PCDHGA7: variants seen among roughly 807,000 people sequenced by gnomAD.
PCDHGA7 encodes protocadherin gamma subfamily A, 7, also known as protocadherin gamma-A7.
In PCDHGA7, 44 loss-of-function variants were observed where a neutral mutation model predicts 58.3. The observed-to-expected ratio is 0.75, with a 90% CI of 0.59 to 0.97. The LOEUF (loss-of-function observed/expected upper bound fraction) is 0.97. Among genes scored for constraint, PCDHGA7 ranks in the 50% least tolerant of loss-of-function variants. The pLI, the probability that PCDHGA7 is intolerant of heterozygous loss-of-function variation, is 0.00. For synonymous variants in PCDHGA7, 516 were observed against 504.2 expected (o/e 1.02, Z -0.31); for missense variants, 1,266 against 1,188.7 (o/e 1.06, Z -0.96).
chr5:141,444,194 G>A (rs1209269773), intron 1 of PCDHGA7, among the ~76,000 whole-genome samples: 1 of 67,352 alleles, frequency 1.5e-5, no homozygotes, highest in Non-Finnish European at 2.7e-5. Flanking sequence ...TTTTTGAGAT[G>A]GAGTTTCACT....
chr5:141,417,939 C>T, intron 1 of PCDHGA7: 1 of 1,612,862 alleles, frequency 6.2e-7, no homozygotes, highest in Non-Finnish European at 8.5e-7. Context: ...TTGTTCTACC[C>T]CACGCTGTGT....
At chr5:141,399,854 G>A (rs747617678) in intron 1 of PCDHGA7, 6 of 1,612,786 alleles carry the variant, frequency 3.7e-6, no homozygotes, top group Non-Finnish European at 5.1e-6. Context: ...ATGGTGCCGC[G>A]CGCTGCAGAG....
At chr5:141,433,056 G>A (rs1422450948) in intron 1 of PCDHGA7, 1 of 1,614,204 alleles carries the variant, frequency 6.2e-7, no homozygotes, top group South Asian at 1.1e-5. Context: ...TCGCGGAAGA[G>A]TCACCTGATC....
Position 141,383,199 on chromosome 5 carries a change from G to T in PCDHGA7, c.300G>T (p.Ala100=), listed in dbSNP as rs574670513. ...GGGAAGAGATCTGCGCTCAGAGTGC[G>T]CGGTGTCTGGTAAACTTTAACATCC... ...IDREEICAQS[A]RCLVNFNILM... is the part of the protein sequence containing the mutation. Residue 100 remains alanine (A), a synonymous_variant, in exon 1 of 4, where the codon GCG becomes GCT. Coordinates refer to ENST00000518325, the MANE Select transcript of PCDHGA7 (RefSeq NM_018920.4). 6.2e-7 allele frequency: 1 copy of T among 1,614,040 alleles called. No individual in the cohort carries two copies. Among genetic ancestry groups the T allele is most frequent in the South Asian group, 1.1e-5 (1 of 91,090 alleles).
At chr5:141,393,079 GGATA>G (rs1414303760) in intron 1 of PCDHGA7, 2 of 1,613,582 alleles carry the variant, frequency 1.2e-6, no homozygotes, top group Non-Finnish European at 1.7e-6. Context: ...ACCGCGGGCA[GGATA>G]GATCGGGAGG....
At position 141,432,412 on chromosome 5, in the gene PCDHGA7, C is replaced by G. The variant is rs773688197; in HGVS notation, c.2424+47089C>G. 1.9e-6 allele frequency: 3 copies of G among 1,614,246 alleles called. No individual in the cohort carries two copies. The highest frequency in any genetic ancestry group is 2.2e-5 in the East Asian group (1 of 44,882). ...GCAGCAACGTGTCGTTGAGCCTGTT[C>G]GTGCTGGACCAGAACGACAATGCGC... On this transcript the variant is annotated intron_variant, in intron 1 of 3. Transcript: ENST00000518325. This position sits in a 1 kb window ranked among gnomAD's most constrained non-coding sequence, Gnocchi z 6.0.
At position 141,399,943 on chromosome 5, in the gene PCDHGA7, C is replaced by A. The variant is rs1334013330; in HGVS notation, c.2424+14620C>A. On this transcript the variant is annotated intron_variant, in intron 1 of 3. Coordinates refer to ENST00000518325, the MANE Select transcript of PCDHGA7 (RefSeq NM_018920.4). Reference sequence around the variant, plus strand: ...CGCCTGGCTGTCCTACCACGTGCTGCAGGCTAGCGAGCCCGGGCTCTTCAG... The same window carrying A: ...CGCCTGGCTGTCCTACCACGTGCTGAAGGCTAGCGAGCCCGGGCTCTTCAG... The A allele has an allele frequency of 3.7e-6, 6 of 1,612,294 alleles. 1 individual carries two copies. The Admixed American group carries it at 1.0e-4, about 27-fold the overall frequency.
chr5:141,456,327 G>C (rs917430790), intron 1 of PCDHGA7, among the ~76,000 whole-genome samples: 1 of 152,186 alleles, frequency 6.6e-6, no homozygotes, highest in African/African-American at 2.4e-5. Flanking sequence ...TCCTGGGGTT[G>C]ATCTAAGGGT....
At chr5:141,405,372 T>C in intron 1 of PCDHGA7, 1 of 1,601,630 alleles carries the variant, frequency 6.2e-7, no homozygotes, top group East Asian at 2.2e-5. Flanking sequence ...ACCCCTTTGG[T>C]TCCGGTGAGT....
chr5:141,494,818 C>T lies in PCDHGA7; in HGVS notation c.2436C>T (p.Pro812=). The part of the protein sequence containing the change: ...ENLPSIQQAP[P]NTDWRFSQAQ... ...TGTTTTCTCCACAGCAAGCCCCGCCCAACACGGACTGGCGTTTCTCTCAGG... is the reference window on the plus strand; with the variant it reads ...TGTTTTCTCCACAGCAAGCCCCGCCTAACACGGACTGGCGTTTCTCTCAGG... Residue 812 remains proline (P), a synonymous_variant, in exon 2 of 4, where the codon CCC becomes CCT. Transcript: ENST00000518325. 1.9e-6 allele frequency: 3 copies of T among 1,614,152 alleles called. No homozygotes were observed. The highest frequency in any genetic ancestry group is 2.2e-5 in the South Asian group (2 of 91,074).
intron 1 of PCDHGA7, among the ~76,000 whole-genome samples, chr5:141,456,124 C>G (rs2098844023): frequency 6.6e-6 from 1 of 152,072 alleles, no homozygotes. Context: ...GTCTCCATCT[C>G]CTGACCTCCT....
In PCDHGA7 at chr5:141,476,776, G is replaced by A. The variant is rs764674164; in HGVS notation, c.2425-18031G>A. 9.3e-6 allele frequency: 15 copies of A among 1,612,744 alleles called. No homozygotes were observed. The highest frequency in any genetic ancestry group is 1.3e-5 in the Non-Finnish European group (15 of 1,179,218). On this transcript the variant is annotated intron_variant, in intron 1 of 3. Coordinates refer to ENST00000518325, the MANE Select transcript of PCDHGA7 (RefSeq NM_018920.4). This position sits in a 1 kb window ranked among gnomAD's most constrained non-coding sequence, Gnocchi z 7.6. ...TAGTGCTGACGGCGTTGGACGGAGG[G>A]ACCCCAGCTCTCTCCGCCAGCCTGC...
In PCDHGA7 at chr5:141,476,651, T is replaced by C. The variant is rs1355056895; in HGVS notation, c.2425-18156T>C. On this transcript the variant is annotated intron_variant, in intron 1 of 3. Coordinates refer to ENST00000518325, the MANE Select transcript of PCDHGA7 (RefSeq NM_018920.4). This position sits in a 1 kb window ranked among gnomAD's most constrained non-coding sequence, Gnocchi z 7.6. ...AACCTATGAGCTGAGCCGAAATGAA[T>C]ACTTTGCGCTTCGCGTGCAGACGCG... is the stretch of plus-strand genomic sequence containing the variant. The C allele has an allele frequency of 3.7e-6, 6 of 1,614,118 alleles. No individual in the cohort carries two copies. Among genetic ancestry groups the C allele is most frequent in the Non-Finnish European group, 5.1e-6 (6 of 1,180,050 alleles).
Position 141,489,941 on chromosome 5 carries a change from A to G in PCDHGA7, c.2425-4866A>G. Reference sequence around the variant, plus strand: ...ACCCTTATCTCTGTCATCGTGCTGGACATCAATGATAATGCTCCAACCTTC... The same window carrying G: ...ACCCTTATCTCTGTCATCGTGCTGGGCATCAATGATAATGCTCCAACCTTC... On this transcript the variant is annotated intron_variant, in intron 1 of 3. Transcript: ENST00000518325. The surrounding 1 kb of genome is among the most constrained non-coding windows in gnomAD (Gnocchi z 4.5). 1.2e-6 allele frequency: 2 copies of G among 1,614,228 alleles called. No homozygotes were observed. The highest frequency in any genetic ancestry group is 1.7e-6 in the Non-Finnish European group (2 of 1,180,034).
chr5:141,495,465 G>A (rs563411010), intron 2 of PCDHGA7, among the ~76,000 whole-genome samples: 3 of 152,182 alleles, frequency 2.0e-5, no homozygotes, highest in Non-Finnish European at 2.9e-5. Context: ...TGTCTGTGGG[G>A]TCTCCGTGTC....
Position 141,485,448 on chromosome 5 carries a change from G to A in PCDHGA7, c.2425-9359G>A. On this transcript the variant is annotated intron_variant, in intron 1 of 3. Coordinates refer to ENST00000518325, the MANE Select transcript of PCDHGA7 (RefSeq NM_018920.4). This position sits in a 1 kb window ranked among gnomAD's most constrained non-coding sequence, Gnocchi z 5.7. ...CTGCTCATCAAGAACCCAATCGACC[G>A]AGAGGCACTGTGTGGGCTCAGTGCC... is the stretch of plus-strand genomic sequence containing the variant. 1 of 1,614,154 alleles carries A rather than the reference G, an allele frequency of 6.2e-7. No homozygotes were observed.
In PCDHGA7 at chr5:141,382,895, CG is replaced by C. The variant is rs746416348; in HGVS notation, c.-4del. 5.9e-6 allele frequency: 9 copies of C among 1,536,084 alleles called. No individual in the cohort carries two copies. In the Admixed American group the frequency reaches 1.9e-4, roughly 33 times the overall value. On this transcript the variant is annotated 5_prime_UTR_variant, in exon 1 of 4. Transcript: ENST00000518325. ...CGGCGCCTAAGCAAGAGAAGCAGGA[CG>C]ACTATGGCGGCTCAGCCGAGGGGCG...
rs2154581798 is a variant in PCDHGA7, at chr5:141,489,799, G to T, written c.2425-5008G>T. 1 of 1,614,192 alleles carries T rather than the reference G, an allele frequency of 6.2e-7. No homozygotes were observed. The highest frequency in any genetic ancestry group is 2.2e-5 in the East Asian group (1 of 44,884). On this transcript the variant is annotated intron_variant, in intron 1 of 3. Coordinates refer to ENST00000518325, the MANE Select transcript of PCDHGA7 (RefSeq NM_018920.4). The surrounding 1 kb of genome is among the most constrained non-coding windows in gnomAD (Gnocchi z 4.5). Reference sequence around the variant, plus strand: ...CTCTCTGAATGTGAAGACCCTAAAAGATGGGAAGCCATTCCCAGAGCTGGT... The same window carrying T: ...CTCTCTGAATGTGAAGACCCTAAAATATGGGAAGCCATTCCCAGAGCTGGT...
At chr5:141,484,499 A>G (rs567556335) in intron 1 of PCDHGA7, among the ~76,000 whole-genome samples, 20 of 152,344 alleles carry the variant, frequency 1.3e-4, no homozygotes, top group African/African-American at 4.6e-4. Flanking sequence ...CCGTTTCTGA[A>G]TATTCTGCAG....
Sources: allele counts gnomAD v4.1 joint callset (sites outside exome capture counted in the v4.1 genomes callset), GRCh38; gene constraint gnomAD v4.1.1; non-coding constraint Gnocchi (gnomAD v3.1); transcripts MANE v1.5; gene names NCBI Gene and HGNC (gene_info 2026-07-23, HGNC 2026-07-21).